Variants in SFXN5 observed in about 807,000 individuals in gnomAD.
SFXN5 encodes sideroflexin 5, also known as sideroflexin-5.
Under a neutral mutation model 50.2 loss-of-function variants are expected in SFXN5, and 43 were observed. That is an observed-to-expected ratio of 0.86 (90% CI 0.67 to 1.11). The LOEUF is 1.11. Ranked by LOEUF, SFXN5 falls within the 50% of genes least tolerant of loss-of-function variation. SFXN5 has a pLI of 0.00. For missense variants in SFXN5, 463 were observed against 454.1 expected, an observed-to-expected ratio of 1.02 and a Z score of -0.18; for synonymous variants, 203 against 185.8, an observed-to-expected ratio of 1.09 and a Z score of -0.75.
chr2:73,058,618 A>C, intron 1 of SFXN5, 22 bp from the exon 2 acceptor site: 4 of 1,610,718 alleles, frequency 2.5e-6, no homozygotes, highest in Non-Finnish European at 2.5e-6. Context: ...GATGAGAGAG[A>C]AGAGTGAATG....
chr2:73,031,752 T>A (rs546783061), intron 3 of SFXN5, among the ~76,000 whole-genome samples: 2 of 152,212 alleles, frequency 1.3e-5, no homozygotes, highest in Non-Finnish European at 2.9e-5. Context: ...TTTGGGCTGA[T>A]CCCATCACCA....
chr2:73,066,170 TCA>T (rs1683162836), intron 1 of SFXN5, among the ~76,000 whole-genome samples: 1 of 152,002 alleles, frequency 6.6e-6, no homozygotes, highest in Non-Finnish European at 1.5e-5. Flanking sequence ...AGAGATGCCA[TCA>T]GCAACATTGA....
intron 1 of SFXN5, among the ~76,000 whole-genome samples, chr2:73,067,280 A>G (rs1683246141): frequency 1.3e-5 from 2 of 152,230 alleles, no homozygotes; most frequent in Admixed American, 1.3e-4. Context: ...CTGAGAAACT[A>G]TCCCAGGTAC....
At position 72,980,853 on chromosome 2, in the gene SFXN5, C is replaced by A. The variant is rs1368268429; in HGVS notation, c.625+7405G>T. 2.0e-5 allele frequency among the ~76,000 whole-genome samples: 3 copies of A among 152,058 alleles called. No homozygotes were observed. The East Asian group carries it at 5.8e-4, about 29-fold the overall frequency. On this transcript the variant is annotated intron_variant, in intron 10 of 13. Coordinates refer to ENST00000272433, the MANE Select transcript of SFXN5 (RefSeq NM_144579.3). ...CCAGCCCAGCCAGGCCCCCTGCCCC[C>A]TCCTGCATTCCCCTCCTGCATAGCC...
intron 10 of SFXN5, among the ~76,000 whole-genome samples, chr2:72,975,471 A>T (rs1670528417): frequency 6.6e-6 from 1 of 152,256 alleles, no homozygotes; most frequent in Non-Finnish European, 1.5e-5. Context: ...AGGACCATTT[A>T]AACACAGACA....
At chr2:72,967,049 G>A (rs1035715227) in intron 12 of SFXN5, among the ~76,000 whole-genome samples, 4 of 152,208 alleles carry the variant, frequency 2.6e-5, no homozygotes, top group African/African-American at 7.2e-5. Flanking sequence ...CTTTGCAGCC[G>A]CACTCCTGAG....
At chr2:73,002,016 C>T (rs1673980603) in intron 6 of SFXN5, among the ~76,000 whole-genome samples, 1 of 152,214 alleles carries the variant, frequency 6.6e-6, no homozygotes, top group African/African-American at 2.4e-5. Context: ...ACCTTCGTTT[C>T]CACTCAGGTT....
chr2:72,966,298 C>T (rs776710887), intron 12 of SFXN5, among the ~76,000 whole-genome samples: 3 of 152,202 alleles, frequency 2.0e-5, no homozygotes, highest in Non-Finnish European at 4.4e-5. Context: ...AAGCACTGCT[C>T]ACTGAACCAG....
chr2:72,998,941 G>T lies in SFXN5; in HGVS notation c.534+8C>A. ...GAGCCAAGAAGGAGCAGGGGAGGGAGTACTCACAGCAATGGAGACGGCGCT... is the reference window on the plus strand; with the variant it reads ...GAGCCAAGAAGGAGCAGGGGAGGGATTACTCACAGCAATGGAGACGGCGCT... On this transcript the variant is annotated splice_region_variant and intron_variant, in intron 9 of 13. Coordinates refer to ENST00000272433, the MANE Select transcript of SFXN5 (RefSeq NM_144579.3). The T allele has an allele frequency of 6.2e-7, 1 of 1,613,754 alleles. No homozygotes were observed. The highest frequency in any genetic ancestry group is 8.5e-7 in the Non-Finnish European group (1 of 1,179,812).
intron 12 of SFXN5, among the ~76,000 whole-genome samples, chr2:72,965,758 G>A (rs1314082559): frequency 6.6e-6 from 1 of 152,186 alleles, no homozygotes. Context: ...AAGTTAATGG[G>A]ACACTAACCA....
intron 12 of SFXN5, among the ~76,000 whole-genome samples, chr2:72,966,648 A>G (rs1021559943): frequency 6.6e-6 from 1 of 152,128 alleles, no homozygotes; most frequent in African/African-American, 2.4e-5. Flanking sequence ...TGGACCCATG[A>G]GCGCACTTCA....
intron 3 of SFXN5, among the ~76,000 whole-genome samples, chr2:73,031,945 G>A (rs944478044): frequency 2.6e-5 from 4 of 152,194 alleles, no homozygotes; most frequent in African/African-American, 9.7e-5. Flanking sequence ...CGGTGTATGA[G>A]GCCACGCCCA....
intron 6 of SFXN5, among the ~76,000 whole-genome samples, chr2:73,011,275 A>C (rs909274678): frequency 1.2e-4 from 19 of 152,114 alleles, no homozygotes; most frequent in Admixed American, 1.0e-3. Context: ...GACTGGTCTC[A>C]AACTCCTGGG....
chr2:72,946,024 C>T (rs1671891288), intron 13 of SFXN5, among the ~76,000 whole-genome samples: 1 of 151,996 alleles, frequency 6.6e-6, no homozygotes, highest in Non-Finnish European at 1.5e-5. Context: ...ATCATCAAAC[C>T]CGCTGCCTTC....
At chr2:72,968,629 T>A in intron 11 of SFXN5, 96 bp from the exon 12 acceptor site, 1 of 1,144,934 alleles carries the variant, frequency 8.7e-7, no homozygotes. Context: ...CCACAACGCA[T>A]GTGTGTCTGA....
Position 73,031,200 on chromosome 2 carries a change from G to A in SFXN5, c.250-7986C>T, listed in dbSNP as rs554983355. ...CATTTCCCAGCCTCCTCTGCAATGA[G>A]GCTTGTCCATGTAGCTGAGACCCAC... is the stretch of plus-strand genomic sequence containing the variant. On this transcript the variant is annotated intron_variant, in intron 3 of 13. Coordinates refer to ENST00000272433, the MANE Select transcript of SFXN5 (RefSeq NM_144579.3). 6.6e-5 allele frequency among the ~76,000 whole-genome samples: 10 copies of A among 152,328 alleles called. No homozygotes were observed. In the East Asian group the frequency reaches 1.9e-3, roughly 29 times the overall value.
Position 72,942,108 on chromosome 2 carries a change from G to C in SFXN5, c.*2914C>G, listed in dbSNP as rs910457074. On this transcript the variant is annotated 3_prime_UTR_variant, in exon 14 of 14. Transcript: ENST00000272433. ...AATCACATAGATTGAGAAATTTTCT[G>C]AGGTTAAAAAGACGCTGCAAAGGCC... 6.6e-6 allele frequency: 1 copy of C among 152,172 alleles called. No individual in the cohort carries two copies. Among genetic ancestry groups the C allele is most frequent in the Non-Finnish European group, 1.5e-5 (1 of 68,034 alleles). The allele number at this position is 152,172 out of a possible 1,614,324, so 9.4% of individuals were successfully genotyped here. A position where few individuals can be genotyped will look rare whatever the true frequency, so the allele number is the denominator to read the frequency against.
chr2:73,015,906 C>CG (rs1676087096), intron 6 of SFXN5, among the ~76,000 whole-genome samples: 1 of 151,004 alleles, frequency 6.6e-6, no homozygotes, highest in African/African-American at 2.4e-5. Context: ...TCACTGCACT[C>CG]CAGCCTGGGA....
intron 11 of SFXN5, among the ~76,000 whole-genome samples, chr2:72,970,443 C>A (rs1675014594): frequency 6.6e-6 from 1 of 152,184 alleles, no homozygotes. Context: ...GAGCTCTTCC[C>A]AGACTAAAGT....
Sources: allele counts gnomAD v4.1 joint callset (sites outside exome capture counted in the v4.1 genomes callset), GRCh38; gene constraint gnomAD v4.1.1; transcripts MANE v1.5; gene names NCBI Gene and HGNC (gene_info 2026-07-23, HGNC 2026-07-21).